PRCP: variants seen among roughly 807,000 people sequenced by gnomAD.
PRCP encodes prolylcarboxypeptidase.
Under a neutral mutation model 54.2 loss-of-function variants are expected in PRCP, and 46 were observed. The ratio of observed to expected loss-of-function variants is 0.85; its 90% CI spans 0.67 to 1.09. The LOEUF is 1.09. Among genes scored for constraint, PRCP ranks in the 50% least tolerant of loss-of-function variants. The probability of loss-of-function intolerance (pLI) is 0.00; values close to 1 mark genes in which losing one functional copy is unlikely to be tolerated. For missense variants in PRCP, 613 were observed against 596.8 expected (o/e 1.03, Z -0.28); for synonymous variants, 240 against 212.2 (o/e 1.13, Z -1.14).
In PRCP at chr11:82,850,052, G is replaced by A. The variant is rs1228526659; in HGVS notation, c.613C>T (p.Pro205Ser). ...ACTAAATCCTCAAACTGCCAGATAG[G>A]GGCAGAAGCTGCAAGAGCTCTAAAT... ...MVVGALAASA[P>S]IWQFEDLVPC... Residue 205 changes from proline (P) to serine (S), a missense_variant, in exon 5 of 9, where the codon CCT (proline) becomes TCT (serine). Transcript: ENST00000313010. The A allele has an allele frequency of 1.4e-6, 2 of 1,420,520 alleles. No individual in the cohort carries two copies. The highest frequency in any genetic ancestry group is 1.5e-5 in the African/African-American group (1 of 68,322). 88.0% of individuals were successfully genotyped at this position (1,420,520 alleles called of 1,614,324 possible). A position where few individuals can be genotyped will look rare whatever the true frequency, so the allele number is the denominator to read the frequency against.
intron 8 of PRCP, chr11:82,830,177 G>A (rs754551152): frequency 1.3e-5 from 2 of 151,944 alleles, no homozygotes; most frequent in Admixed American, 6.5e-5. Flanking sequence ...CTATACAAAT[G>A]TGCGATGTCA....
At chr11:82,859,786 C>A (rs747402524) in intron 2 of PRCP, among the ~76,000 whole-genome samples, 191 bp downstream of exon 2, 1 of 151,972 alleles carries the variant, frequency 6.6e-6, no homozygotes, top group African/African-American at 2.4e-5. Context: ...GTATTTAATT[C>A]TTTTATGAAC....
chr11:82,874,644 T>C (rs1859557559), intron 1 of PRCP, among the ~76,000 whole-genome samples: 1 of 139,140 alleles, frequency 7.2e-6, no homozygotes, highest in Non-Finnish European at 1.5e-5. Context: ...TGAACTGTGA[T>C]CACACCACTG....
In PRCP at chr11:82,849,254, T is replaced by C. The variant is rs1858886460; in HGVS notation, c.752-36A>G. ...AATCACACTGTTGGAATCTAAAAAG[T>C]ACTGGTCAACAGATGTCTTTACAGA... On this transcript the variant is annotated intron_variant, in intron 5 of 8. Transcript: ENST00000313010. 2.5e-6 allele frequency: 4 copies of C among 1,607,408 alleles called. No homozygotes were observed. In the East Asian group the frequency reaches 6.7e-5, roughly 27 times the overall value.
chr11:82,864,102 CTCTA>C (rs1388134544), intron 1 of PRCP, among the ~76,000 whole-genome samples: 1 of 152,220 alleles, frequency 6.6e-6, no homozygotes, highest in Non-Finnish European at 1.5e-5. Flanking sequence ...TAGTTCTCCT[CTCTA>C]TCCCATTTGC....
chr11:82,853,187 T>A lies in PRCP; in HGVS notation c.401A>T (p.Asn134Ile), dbSNP rs1257495003. ...AAAAAGTATCTTTACCTTGAATGAG[T>A]TGTCACCAAAGGGGAGAGACTCTCC... ...YYGESLPFGD[N>I]SFKDSRHLNF... is the part of the protein sequence containing the mutation. The change falls in exon 3 of 9, where the codon AAC becomes ATC. Residue 134 changes from asparagine (N) to isoleucine (I), a missense_variant. Transcript: ENST00000313010. 1.3e-6 allele frequency: 2 copies of A among 1,598,466 alleles called. No individual in the cohort carries two copies. Among genetic ancestry groups the A allele is most frequent in the African/African-American group, 2.7e-5 (2 of 74,220 alleles).
Position 82,824,810 on chromosome 11 carries a change from T to C in PRCP, c.*96A>G. The C allele has an allele frequency of 7.9e-7, 1 of 1,269,140 alleles. No homozygotes were observed. Among genetic ancestry groups the C allele is most frequent in the Non-Finnish European group, 1.1e-6 (1 of 914,302 alleles). The allele number at this position is 1,269,140 out of a possible 1,614,324, so 78.6% of individuals were successfully genotyped here. On this transcript the variant is annotated 3_prime_UTR_variant, in exon 9 of 9. Transcript: ENST00000313010. ...ACTTTGGCCCCATCAAATCTAATGA[T>C]AAACAAAAGAAGGTAATTACATGTA...
chr11:82,850,445 T>C lies in PRCP; in HGVS notation c.472A>G (p.Ile158Val), dbSNP rs769964055. The C allele has an allele frequency of 3.1e-6, 5 of 1,605,856 alleles. No individual in the cohort carries two copies. The highest frequency in any genetic ancestry group is 2.2e-5 in the East Asian group (1 of 44,464). Reference protein sequence around the residue: ...EQALADFAELIKHLKRTIPGA... With the variant: ...EQALADFAELVKHLKRTIPGA... Reference sequence around the variant, plus strand: ...GGGATTGTTCTTTTCAAGTGTTTGATTAACTCTGCAAAATCAGCCAGAGCT... The same window carrying C: ...GGGATTGTTCTTTTCAAGTGTTTGACTAACTCTGCAAAATCAGCCAGAGCT... Residue 158 changes from isoleucine to valine, a missense_variant, in exon 4 of 9, where the codon ATC becomes GTC. Ile to Val is a conservative substitution (Grantham distance 29). Coordinates refer to ENST00000313010, the MANE Select transcript of PRCP (RefSeq NM_005040.4).
chr11:82,839,341 T>C lies in PRCP; in HGVS notation c.1006A>G (p.Asn336Asp). The change falls in exon 7 of 9, where the codon AAT becomes GAT. Residue 336 changes from asparagine to aspartate, a missense_variant. Asn to Asp is a conservative substitution (Grantham distance 23, BLOSUM62 1). Transcript: ENST00000313010. ...NIFQALNVYY[N>D]YSGQVKCLNI... is the part of the protein sequence containing the mutation. ...AGGCATTTCACCTGGCCCGAATAAT[T>C]GTAATATACATTCAGAGCTTGGAAA... 2.5e-6 allele frequency: 4 copies of C among 1,614,042 alleles called. No homozygotes were observed. The highest frequency in any genetic ancestry group is 3.4e-6 in the Non-Finnish European group (4 of 1,179,928).
chr11:82,893,813 A>G (rs1860056385), intron 1 of PRCP, among the ~76,000 whole-genome samples: 1 of 152,162 alleles, frequency 6.6e-6, no homozygotes, highest in Non-Finnish European at 1.5e-5. Context: ...AACAAAAAGG[A>G]TAGTTCTCTT....
At chr11:82,837,654 G>T (rs1167433118) in intron 8 of PRCP, among the ~76,000 whole-genome samples, 1 of 152,150 alleles carries the variant, frequency 6.6e-6, no homozygotes, top group Non-Finnish European at 1.5e-5. Flanking sequence ...TGATTAACTT[G>T]TTGCTATTTT....
At chr11:82,894,862 C>T (rs1002241745) in intron 1 of PRCP, among the ~76,000 whole-genome samples, 7 of 152,046 alleles carry the variant, frequency 4.6e-5, no homozygotes, top group African/African-American at 1.7e-4. Flanking sequence ...AATTCATTAC[C>T]ATATTTCCCC....
chr11:82,889,791 A>G (rs1859961030), intron 1 of PRCP, among the ~76,000 whole-genome samples: 1 of 152,242 alleles, frequency 6.6e-6, no homozygotes, highest in Admixed American at 6.5e-5. Context: ...AAGGCCTTAA[A>G]TGCTACAGGA....
intron 1 of PRCP, among the ~76,000 whole-genome samples, chr11:82,867,182 A>G (rs1215929205): frequency 6.6e-6 from 1 of 152,258 alleles, no homozygotes; most frequent in African/African-American, 2.4e-5. Context: ...AAATTCAATA[A>G]TGGTATAAAT....
Position 82,839,251 on chromosome 11 carries a change from A to G in PRCP, c.1086+10T>C, listed in dbSNP as rs1237335595. On this transcript the variant is annotated intron_variant, in intron 7 of 8. Coordinates refer to ENST00000313010, the MANE Select transcript of PRCP (RefSeq NM_005040.4). ...AGTAAGTTCCACTTGGGGAAATTATACATATTTACCTGATAGCTCCAACCC... is the reference window on the plus strand; with the variant it reads ...AGTAAGTTCCACTTGGGGAAATTATGCATATTTACCTGATAGCTCCAACCC... 4 of 1,600,982 alleles carry G rather than the reference A, an allele frequency of 2.5e-6. No homozygotes were observed. The East Asian group carries it at 6.7e-5, about 27-fold the overall frequency.
rs202237309 is a variant in PRCP, at chr11:82,825,037, C to T, written c.1360G>A (p.Ala454Thr). 4.8e-5 allele frequency: 78 copies of T among 1,614,020 alleles called. No homozygotes were observed. In the East Asian group the frequency reaches 1.5e-3, roughly 32 times the overall value. The change falls in exon 9 of 9, where the codon GCC becomes ACC. Residue 454 changes from alanine to threonine, a missense_variant. Physicochemically the swap from Ala to Thr is moderately conservative, Grantham distance 58 (BLOSUM62 0). Coordinates refer to ENST00000313010, the MANE Select transcript of PRCP (RefSeq NM_005040.4). ...TTGGTGCGGAGATCTAAGTGGTGGGCCCCCTCTGAGATGGTGACTGCAACC... is the reference window on the plus strand; with the variant it reads ...TTGGTGCGGAGATCTAAGTGGTGGGTCCCCTCTGAGATGGTGACTGCAACC... ...TLVAVTISEG[A>T]HHLDLRTKNA...
chr11:82,852,863 T>C (rs1013166286), intron 3 of PRCP, among the ~76,000 whole-genome samples: 14 of 152,318 alleles, frequency 9.2e-5, no homozygotes, highest in Non-Finnish European at 1.6e-4. Context: ...GTACGATTTA[T>C]AAAGCGGAAT....
At position 82,860,124 on chromosome 11, in the gene PRCP, T is replaced by C; in HGVS notation, c.169-7A>G. On this transcript the variant is annotated splice_polypyrimidine_tract_variant and splice_region_variant and intron_variant, in intron 1 of 8. Coordinates refer to ENST00000313010, the MANE Select transcript of PRCP (RefSeq NM_005040.4). ...TAAATCCAAAATGATCAACCTGTGA[T>C]AAAAACAAAACAAAACATATTTCAA... 6.8e-7 allele frequency: 1 copy of C among 1,472,866 alleles called. No individual in the cohort carries two copies. Among genetic ancestry groups the C allele is most frequent in the Non-Finnish European group, 9.1e-7 (1 of 1,100,180 alleles). 91.2% of individuals were successfully genotyped at this position (1,472,866 alleles called of 1,614,324 possible). A position where few individuals can be genotyped will look rare whatever the true frequency, so the allele number is the denominator to read the frequency against.
chr11:82,861,114 A>G (rs1218095728), intron 1 of PRCP, among the ~76,000 whole-genome samples: 1 of 152,086 alleles, frequency 6.6e-6, no homozygotes, highest in Non-Finnish European at 1.5e-5. Context: ...AAGAAAGGAA[A>G]AGGTTCATTT....
Sources: allele counts gnomAD v4.1 joint callset (sites outside exome capture counted in the v4.1 genomes callset), GRCh38; gene constraint gnomAD v4.1.1; transcripts MANE v1.5; gene names NCBI Gene and HGNC (gene_info 2026-07-23, HGNC 2026-07-21).